DDX10: variants seen among roughly 807,000 people sequenced by gnomAD.
The protein encoded by DDX10 is probable ATP-dependent RNA helicase DDX10.
In DDX10, 74 loss-of-function variants were observed where a neutral mutation model predicts 104.3. That is an observed-to-expected ratio of 0.71 (90% CI 0.59 to 0.86). DDX10 has a LOEUF of 0.86. DDX10 is among the 40% of genes least tolerant of loss of function. The pLI is 0.00. For synonymous variants in DDX10, 351 were observed against 353.4 expected (o/e 0.99, Z 0.08); for missense variants, 952 against 1,040.0 (o/e 0.92, Z 1.16).
chr11:108,784,473 T>C (rs1861759902), intron 13 of DDX10, among the ~76,000 whole-genome samples: 1 of 152,190 alleles, frequency 6.6e-6, no homozygotes, highest in Non-Finnish European at 1.5e-5. Flanking sequence ...AGCCTTGATG[T>C]CCTGGGCTTA....
chr11:108,885,977 C>T (rs1863291809), intron 16 of DDX10, among the ~76,000 whole-genome samples: 1 of 152,120 alleles, frequency 6.6e-6, no homozygotes, highest in Admixed American at 6.5e-5. Context: ...GAGACTTGAG[C>T]TGATCCATAA....
intron 13 of DDX10, among the ~76,000 whole-genome samples, chr11:108,794,059 A>G (rs940129324): frequency 6.6e-6 from 1 of 152,104 alleles, no homozygotes; most frequent in Non-Finnish European, 1.5e-5. Flanking sequence ...TATAGCACAT[A>G]TTCTTCATCC....
chr11:108,857,384 A>G (rs559025639), intron 16 of DDX10, among the ~76,000 whole-genome samples: 20 of 152,286 alleles, frequency 1.3e-4, no homozygotes, highest in Admixed American at 2.6e-4. Context: ...CAGCATGTGT[A>G]AAAGGTTACC....
At chr11:108,821,864 A>G (rs1276340909) in intron 13 of DDX10, among the ~76,000 whole-genome samples, 2 of 152,240 alleles carry the variant, frequency 1.3e-5, no homozygotes, top group East Asian at 1.9e-4. Context: ...GGCCAAAAAT[A>G]TAAAGTAGAC....
rs146047447 is a variant in DDX10, at chr11:108,689,645, A to G, written c.975+583A>G. ...AACACTAGCCCTGTGCTAGGAATAA[A>G]GAATAAGGATTTCAGAGATGTCTAA... On this transcript the variant is annotated intron_variant, in intron 7 of 17. Transcript: ENST00000322536. 5.9e-5 allele frequency among the ~76,000 whole-genome samples: 9 copies of G among 152,336 alleles called. No individual in the cohort carries two copies. In the East Asian group the frequency reaches 1.2e-3, roughly 20 times the overall value.
intron 16 of DDX10, among the ~76,000 whole-genome samples, chr11:108,855,753 C>A (rs1423072159): frequency 6.6e-6 from 1 of 152,174 alleles, no homozygotes; most frequent in Non-Finnish European, 1.5e-5. Context: ...GCCACTGCAA[C>A]TGGCCAAAAG....
chr11:108,896,523 A>G (rs1378361208), intron 16 of DDX10, among the ~76,000 whole-genome samples: 4 of 152,172 alleles, frequency 2.6e-5, no homozygotes. Flanking sequence ...ATGCTAACCC[A>G]TACATGTTTT....
At chr11:108,830,006 G>C (rs1464658236) in intron 13 of DDX10, among the ~76,000 whole-genome samples, 1 of 152,136 alleles carries the variant, frequency 6.6e-6, no homozygotes, top group Non-Finnish European at 1.5e-5. Context: ...GATGCCTCCA[G>C]ACCTGTTCTT....
Position 108,940,240 on chromosome 11 carries a change from C to T in DDX10, c.2451-6C>T. The T allele has an allele frequency of 6.2e-7, 1 of 1,613,220 alleles. No homozygotes were observed. The highest frequency in any genetic ancestry group is 1.3e-5 in the African/African-American group (1 of 74,936). ...TAAAGTAAATCTTTGGATTTCTTCT[C>T]ACCAGTGATACCAAGAAGAAGCAGG... is the stretch of plus-strand genomic sequence containing the variant. On this transcript the variant is annotated splice_region_variant and splice_polypyrimidine_tract_variant and intron_variant, in intron 17 of 17. Coordinates refer to ENST00000322536, the MANE Select transcript of DDX10 (RefSeq NM_004398.4).
chr11:108,886,576 T>A (rs1288029394), intron 16 of DDX10, among the ~76,000 whole-genome samples: 7 of 152,186 alleles, frequency 4.6e-5, no homozygotes, highest in Non-Finnish European at 1.0e-4. Context: ...AAATCCATCC[T>A]CATTTGAATG....
chr11:108,898,847 T>G (rs1332347976), intron 16 of DDX10, among the ~76,000 whole-genome samples: 1 of 151,922 alleles, frequency 6.6e-6, no homozygotes, highest in African/African-American at 2.4e-5. Context: ...GTCAAAAGAG[T>G]AGGGGCAAAT....
intron 13 of DDX10, among the ~76,000 whole-genome samples, chr11:108,769,598 A>C (rs2094360388): frequency 6.6e-6 from 1 of 151,962 alleles, no homozygotes. Context: ...GTGTGTGTTG[A>C]TTTTCACAAT....
intron 13 of DDX10, among the ~76,000 whole-genome samples, chr11:108,746,500 C>T (rs754275208): frequency 6.6e-6 from 1 of 152,120 alleles, no homozygotes; most frequent in Non-Finnish European, 1.5e-5. Context: ...AATGCTGCTA[C>T]AAACATTGAT....
At chr11:108,868,538 A>G (rs1235612344) in intron 16 of DDX10, among the ~76,000 whole-genome samples, 2 of 152,080 alleles carry the variant, frequency 1.3e-5, no homozygotes, top group African/African-American at 4.8e-5. Flanking sequence ...TTTTCTTTTT[A>G]TAAAATGATG....
intron 13 of DDX10, among the ~76,000 whole-genome samples, chr11:108,748,665 G>A (rs1343169306): frequency 5.9e-5 from 9 of 151,958 alleles, no homozygotes; most frequent in African/African-American, 2.2e-4. Context: ...TTTTTGATCA[G>A]CTCTTGTACT....
In DDX10 at chr11:108,926,151, T is replaced by A. The variant is rs538902354; in HGVS notation, c.2450+8133T>A. 5.9e-5 allele frequency among the ~76,000 whole-genome samples: 9 copies of A among 152,186 alleles called. No individual in the cohort carries two copies. In the East Asian group the frequency reaches 7.7e-4, roughly 13 times the overall value. On this transcript the variant is annotated intron_variant, in intron 17 of 17. Transcript: ENST00000322536. ...TGTATGATGTTTAATTTTTTTTTTT[T>A]AAATCTGGGAGAAGAGACATAATTA...
chr11:108,842,205 T>C (rs184756509), intron 15 of DDX10, among the ~76,000 whole-genome samples: 1 of 152,318 alleles, frequency 6.6e-6, no homozygotes, highest in African/African-American at 2.4e-5. Context: ...ACCATTATAC[T>C]ACTTAATTCC....
intron 6 of DDX10, among the ~76,000 whole-genome samples, chr11:108,683,625 C>A (rs906886941): frequency 1.3e-5 from 2 of 152,160 alleles, no homozygotes; most frequent in Admixed American, 6.5e-5. Flanking sequence ...AGCTTCTTAG[C>A]CCTGCAATTT....
intron 16 of DDX10, among the ~76,000 whole-genome samples, chr11:108,858,351 G>GT (rs1430033015): frequency 6.6e-6 from 1 of 152,166 alleles, no homozygotes; most frequent in Non-Finnish European, 1.5e-5. Context: ...CAGCAGCTGA[G>GT]TTTTTTTCAT....
Sources: gnomAD v4.1 joint callset for allele counts (sites outside exome capture counted in the v4.1 genomes callset) on GRCh38, gnomAD v4.1.1 for gene constraint, MANE v1.5 for transcripts, NCBI Gene and HGNC (gene_info 2026-07-23, HGNC 2026-07-21) for gene names.